SORCS1: variants seen among roughly 807,000 people sequenced by gnomAD.
The protein encoded by SORCS1 is sortilin related VPS10 domain containing receptor 1.
SORCS1 carries 60 observed loss-of-function variants against 146.1 expected under a neutral mutation model. The ratio of observed to expected loss-of-function variants is 0.41; its 90% CI spans 0.33 to 0.51. SORCS1 has a LOEUF of 0.51. SORCS1 is among the 20% of genes least tolerant of loss of function. SORCS1 has a pLI of 0.21. For missense variants in SORCS1, 1,352 were observed against 1,487.6 expected (o/e 0.91, Z 1.50); for synonymous variants, 637 against 584.0 (o/e 1.09, Z -1.31).
chr10:106,896,545 T>A (rs1951486615), intron 2 of SORCS1, among the ~76,000 whole-genome samples: 1 of 151,282 alleles, frequency 6.6e-6, no homozygotes, highest in African/African-American at 2.4e-5. Flanking sequence ...AAGATGAAAA[T>A]TTTTTTAAGA....
chr10:106,657,158 T>C (rs1361971350), intron 17 of SORCS1, among the ~76,000 whole-genome samples: 1 of 152,174 alleles, frequency 6.6e-6, no homozygotes, highest in Non-Finnish European at 1.5e-5. Context: ...TGTACATGTA[T>C]GCTTATCACA....
At chr10:106,761,533 G>C in intron 5 of SORCS1, 55 bp downstream of exon 5, 1 of 1,478,368 alleles carries the variant, frequency 6.8e-7, no homozygotes, top group Non-Finnish European at 9.5e-7. Context: ...GCATTTACTA[G>C]GTCATATCTG....
intron 2 of SORCS1, among the ~76,000 whole-genome samples, chr10:106,891,536 G>C (rs1455523995): frequency 1.5e-5 from 1 of 67,642 alleles, no homozygotes; most frequent in Non-Finnish European, 3.4e-5. Flanking sequence ...ACCTTGCTCT[G>C]TTGCCCTGGC....
intron 13 of SORCS1, among the ~76,000 whole-genome samples, chr10:106,676,150 C>T (rs1852008955): frequency 6.6e-6 from 1 of 152,002 alleles, no homozygotes; most frequent in Non-Finnish European, 1.5e-5. Context: ...TGCAGCTTTC[C>T]CTTCAGTCAT....
chr10:106,717,941 A>G (rs1855496260), intron 6 of SORCS1, among the ~76,000 whole-genome samples: 1 of 152,158 alleles, frequency 6.6e-6, no homozygotes, highest in Non-Finnish European at 1.5e-5. Flanking sequence ...TATCACACAG[A>G]GCTGTGGACT....
At chr10:106,801,002 A>C (rs1285916557) in intron 3 of SORCS1, among the ~76,000 whole-genome samples, 1 of 152,138 alleles carries the variant, frequency 6.6e-6, no homozygotes, top group Non-Finnish European at 1.5e-5. Context: ...CTCCTTTTCC[A>C]GACTGGAATA....
intron 1 of SORCS1, among the ~76,000 whole-genome samples, chr10:107,063,649 G>A (rs923481143): frequency 6.6e-6 from 1 of 152,180 alleles, no homozygotes; most frequent in Non-Finnish European, 1.5e-5. Flanking sequence ...CTGACTATGA[G>A]TCTAAGATAA....
rs12240960 is a variant in SORCS1, at chr10:107,061,187, A to G, written c.558+102782T>C. ...ATTTTTACCATTTCTTATCATCTGT[A>G]TCAGGGAAGAACATATACAAACAAA... On this transcript the variant is annotated intron_variant, in intron 1 of 25. Transcript: ENST00000263054. Among the ~76,000 whole-genome samples the G allele has an allele frequency of 3.1e-3, 468 of 152,318 alleles. 5 individuals carry two copies. The highest frequency in any genetic ancestry group is 0.011 in the African/African-American group (445 of 41,586).
chr10:106,854,286 A>G (rs1237548430), intron 2 of SORCS1, among the ~76,000 whole-genome samples: 1 of 152,056 alleles, frequency 6.6e-6, no homozygotes, highest in Non-Finnish European at 1.5e-5. Flanking sequence ...CCTTCTAATT[A>G]GTGTTAGCAT....
At chr10:106,588,543 T>A (rs975275835) in intron 24 of SORCS1, among the ~76,000 whole-genome samples, 3 of 152,042 alleles carry the variant, frequency 2.0e-5, no homozygotes, top group Admixed American at 2.0e-4. Flanking sequence ...GTCGTAAGCA[T>A]CATTAGCAGA....
intron 2 of SORCS1, among the ~76,000 whole-genome samples, chr10:106,923,804 A>G (rs1036170408): frequency 6.6e-6 from 1 of 151,992 alleles, no homozygotes; most frequent in South Asian, 2.1e-4. Context: ...GTTTGCTTGC[A>G]TGTTTGTTTG....
chr10:106,978,838 T>C (rs1956142865), intron 1 of SORCS1, among the ~76,000 whole-genome samples: 1 of 152,102 alleles, frequency 6.6e-6, no homozygotes, highest in African/African-American at 2.4e-5. Context: ...ATTTTTGGTT[T>C]GTGGACCACA....
intron 4 of SORCS1, among the ~76,000 whole-genome samples, chr10:106,763,931 T>A (rs186227218): frequency 2.6e-5 from 4 of 152,218 alleles, no homozygotes; most frequent in African/African-American, 9.7e-5. Flanking sequence ...TCCTTCTACG[T>A]GTACGGGTGC....
At chr10:107,032,666 A>T (rs534098269) in intron 1 of SORCS1, among the ~76,000 whole-genome samples, 1 of 152,250 alleles carries the variant, frequency 6.6e-6, no homozygotes, top group Admixed American at 6.5e-5. Context: ...TCCAGAAAAG[A>T]GGGGTCTTGT....
intron 6 of SORCS1, among the ~76,000 whole-genome samples, chr10:106,726,546 G>T (rs965871863): frequency 6.6e-6 from 1 of 151,984 alleles, no homozygotes; most frequent in Admixed American, 6.6e-5. Context: ...TGGCCTCATT[G>T]TTTTTAGGAT....
At chr10:106,808,258 T>C (rs1404795704) in intron 3 of SORCS1, among the ~76,000 whole-genome samples, 3 of 152,202 alleles carry the variant, frequency 2.0e-5, no homozygotes, top group African/African-American at 7.2e-5. Context: ...CCTCAGGTGA[T>C]CCACCTGCCT....
At chr10:107,041,025 T>A (rs1190992481) in intron 1 of SORCS1, among the ~76,000 whole-genome samples, 1 of 152,158 alleles carries the variant, frequency 6.6e-6, no homozygotes, top group African/African-American at 2.4e-5. Flanking sequence ...CATTAAATAA[T>A]ATTTTATTGT....
intron 24 of SORCS1, among the ~76,000 whole-genome samples, chr10:106,585,057 T>C (rs1449995466): frequency 2.0e-5 from 3 of 150,924 alleles, no homozygotes; most frequent in Admixed American, 1.3e-4. Context: ...AAAAAAAACA[T>C]GTATAGTCCA....
intron 9 of SORCS1, among the ~76,000 whole-genome samples, chr10:106,695,922 A>G (rs897663450): frequency 2.0e-5 from 3 of 152,224 alleles, no homozygotes; most frequent in African/African-American, 7.2e-5. Flanking sequence ...AGGGTAGAGA[A>G]CACAGAATCT....
Sources: gnomAD v4.1 joint callset for allele counts (sites outside exome capture counted in the v4.1 genomes callset) on GRCh38, gnomAD v4.1.1 for gene constraint, MANE v1.5 for transcripts, NCBI Gene and HGNC (gene_info 2026-07-23, HGNC 2026-07-21) for gene names.